RBFOX1: variants seen among roughly 807,000 people sequenced by gnomAD.
RBFOX1 encodes the protein RNA binding fox-1 homolog 1.
RBFOX1 carries 8 observed loss-of-function variants against 57.7 expected under a neutral mutation model. The observed-to-expected ratio is 0.14, with a 90% confidence interval of 0.08 to 0.25. RBFOX1 has a LOEUF of 0.25. RBFOX1 is among the 10% of genes least tolerant of loss of function. RBFOX1 has a pLI of 1.00. For synonymous variants in RBFOX1, 326 were observed against 222.4 expected, an observed-to-expected ratio of 1.47 and a Z score of -4.15; for missense variants, 611 against 548.5, an observed-to-expected ratio of 1.11 and a Z score of -1.14.
intron 1 of RBFOX1, among the ~76,000 whole-genome samples, chr16:6,153,606 G>C (rs1030478854): frequency 1.3e-5 from 2 of 152,022 alleles, no homozygotes; most frequent in African/African-American, 4.8e-5. Context: ...CATGATCTCG[G>C]CTCACTGCAA....
intron 3 of RBFOX1, among the ~76,000 whole-genome samples, chr16:5,679,665 A>G (rs1195541580): frequency 6.6e-6 from 1 of 152,152 alleles, no homozygotes; most frequent in African/African-American, 2.4e-5. Context: ...CTCTTTCATG[A>G]AGTCCTCTAC....
chr16:5,629,412 C>A (rs1438108699), intron 3 of RBFOX1, among the ~76,000 whole-genome samples: 2 of 152,214 alleles, frequency 1.3e-5, no homozygotes, highest in Non-Finnish European at 2.9e-5. Context: ...GGTATAAATC[C>A]TTTGTGTCTT....
chr16:6,915,211 T>A (rs748288707), intron 3 of RBFOX1, among the ~76,000 whole-genome samples: 1 of 152,158 alleles, frequency 6.6e-6, no homozygotes, highest in Non-Finnish European at 1.5e-5. Context: ...CCCACTCCCT[T>A]GTTCTCCTAG....
At chr16:6,540,638 A>C (rs1020711364) in intron 2 of RBFOX1, among the ~76,000 whole-genome samples, 1 of 125,376 alleles carries the variant, frequency 8.0e-6, no homozygotes, top group Non-Finnish European at 1.7e-5. Flanking sequence ...AAAAAAAAAA[A>C]CCTCAAGTCA....
chr16:5,688,848 G>A (rs775521415), intron 3 of RBFOX1, among the ~76,000 whole-genome samples: 12 of 152,154 alleles, frequency 7.9e-5, no homozygotes, highest in Non-Finnish European at 1.2e-4. Context: ...GAGACTCAAC[G>A]TTTGCCAGGA....
At chr16:7,518,061 G>C in intron 4 of RBFOX1, 86 bp from the exon 5 acceptor site, 7 of 1,499,192 alleles carry the variant, frequency 4.7e-6, no homozygotes, top group Non-Finnish European at 6.3e-6. Context: ...CGCGGGGCAC[G>C]ATCGTCCTGG....
rs946763754 is a variant in RBFOX1, at chr16:6,453,954, G to A, written c.-64+136897G>A. ...TAATTGTCTCTCAGTTCTGGAGGCCGAAGTCCAAATCCAAGGCGTTGGCAT... is the reference window on the plus strand; with the variant it reads ...TAATTGTCTCTCAGTTCTGGAGGCCAAAGTCCAAATCCAAGGCGTTGGCAT... On this transcript the variant is annotated intron_variant, in intron 2 of 15. Transcript: ENST00000550418. Among the ~76,000 whole-genome samples, 8 of 152,306 alleles carry A rather than the reference G, an allele frequency of 5.3e-5. No individual in the cohort carries two copies. In the South Asian group the frequency reaches 6.2e-4, roughly 12 times the overall value.
intron 3 of RBFOX1, among the ~76,000 whole-genome samples, chr16:5,645,643 T>C (rs557763820): frequency 1.3e-5 from 2 of 152,342 alleles, no homozygotes; most frequent in South Asian, 2.1e-4. Flanking sequence ...AAAGATTCTG[T>C]GTGTGCTTTA....
chr16:5,422,033 T>C (rs1749839427), intron 1 of RBFOX1, among the ~76,000 whole-genome samples: 2 of 152,180 alleles, frequency 1.3e-5, no homozygotes, highest in South Asian at 4.1e-4. Flanking sequence ...TTAAAAGCAA[T>C]TACGCAGTAC....
At chr16:5,876,480 C>G (rs1035833891) in intron 4 of RBFOX1, among the ~76,000 whole-genome samples, 1 of 152,142 alleles carries the variant, frequency 6.6e-6, no homozygotes, top group African/African-American at 2.4e-5. Context: ...GGAGTCACCT[C>G]CAGTCTCTTA....
At chr16:5,503,487 A>T (rs767542287) in intron 2 of RBFOX1, among the ~76,000 whole-genome samples, 1 of 152,154 alleles carries the variant, frequency 6.6e-6, no homozygotes, top group African/African-American at 2.4e-5. Flanking sequence ...CCCAGGCTGG[A>T]GTGCAGTGGC....
intron 4 of RBFOX1, among the ~76,000 whole-genome samples, chr16:5,957,180 C>T (rs1431926743): frequency 1.3e-5 from 2 of 152,068 alleles, no homozygotes; most frequent in African/African-American, 2.4e-5. Context: ...TGATATGCTA[C>T]GATCACACTA....
At chr16:7,250,704 G>C (rs1372891207) in intron 4 of RBFOX1, among the ~76,000 whole-genome samples, 1 of 152,142 alleles carries the variant, frequency 6.6e-6, no homozygotes, top group African/African-American at 2.4e-5. Context: ...AATTTTTTAT[G>C]TACCCAGGGC....
At chr16:6,952,649 C>T (rs1299076071) in intron 3 of RBFOX1, among the ~76,000 whole-genome samples, 2 of 150,180 alleles carry the variant, frequency 1.3e-5, no homozygotes, top group African/African-American at 2.4e-5. Flanking sequence ...CTCCTCCCTC[C>T]AAAAAAAAGA....
At chr16:5,845,659 G>A (rs963060223) in intron 3 of RBFOX1, among the ~76,000 whole-genome samples, 1 of 152,164 alleles carries the variant, frequency 6.6e-6, no homozygotes, top group African/African-American at 2.4e-5. Flanking sequence ...GCCAAATGTG[G>A]TTACTTAAAT....
intron 1 of RBFOX1, among the ~76,000 whole-genome samples, chr16:6,078,095 C>T (rs1032337705): frequency 6.6e-6 from 1 of 152,166 alleles, no homozygotes; most frequent in Non-Finnish European, 1.5e-5. Flanking sequence ...CTTTAGATTT[C>T]TCATCTTTCC....
chr16:5,937,709 A>G (rs1483178195), intron 4 of RBFOX1, among the ~76,000 whole-genome samples: 1 of 149,546 alleles, frequency 6.7e-6, no homozygotes, highest in Admixed American at 6.7e-5. Context: ...TGTAAGTAGT[A>G]TAGTTATATA....
chr16:6,908,434 C>T (rs951489975), intron 3 of RBFOX1, among the ~76,000 whole-genome samples: 4 of 146,166 alleles, frequency 2.7e-5, no homozygotes, highest in African/African-American at 9.7e-5. Flanking sequence ...ACTGATACCT[C>T]TGGCCTCTGG....
chr16:5,269,869 T>G (rs1184482769), intron 1 of RBFOX1, among the ~76,000 whole-genome samples: 1 of 152,154 alleles, frequency 6.6e-6, no homozygotes, highest in East Asian at 1.9e-4. Flanking sequence ...AAAAATAGAT[T>G]CCAGGCTGGG....
Sources: gnomAD v4.1 joint callset for allele counts (sites outside exome capture counted in the v4.1 genomes callset) on GRCh38, gnomAD v4.1.1 for gene constraint, MANE v1.5 for transcripts, NCBI Gene and HGNC (gene_info 2026-07-23, HGNC 2026-07-21) for gene names.